Variants in CNST observed in about 807,000 individuals in gnomAD.
CNST encodes the protein consortin.
A neutral mutation model predicts 72.4 loss-of-function variants in CNST; 39 were observed. The observed-to-expected ratio is 0.54, with a 90% CI of 0.42 to 0.70. CNST has a LOEUF of 0.70. Among genes scored for constraint, CNST ranks in the 30% least tolerant of loss-of-function variants. CNST has a pLI of 0.00. For missense variants in CNST, 871 were observed against 868.5 expected, an observed-to-expected ratio of 1.00 and a Z score of -0.04; for synonymous variants, 332 against 320.1, an observed-to-expected ratio of 1.04 and a Z score of -0.40.
intron 4 of CNST, among the ~76,000 whole-genome samples, chr1:246,633,182 G>A (rs1664887176): frequency 6.6e-6 from 1 of 152,158 alleles, no homozygotes; most frequent in Non-Finnish European, 1.5e-5. Flanking sequence ...GGGCGCAGTG[G>A]CTCACACCTG....
intron 8 of CNST, among the ~76,000 whole-genome samples, chr1:246,646,896 A>G (rs1160637402): frequency 1.3e-5 from 2 of 152,244 alleles, no homozygotes; most frequent in Non-Finnish European, 2.9e-5. Flanking sequence ...GTTGATTTTA[A>G]TGAGGACTAA....
In CNST at chr1:246,642,685, G is replaced by GT. The variant is rs922988395; in HGVS notation, c.937+655dup. 9.4e-5 allele frequency among the ~76,000 whole-genome samples: 14 copies of GT among 148,522 alleles called. No homozygotes were observed. In the South Asian group the frequency reaches 1.5e-3, roughly 16 times the overall value. The stretch of plus-strand genomic sequence containing the variant: ...TAAAAATAAATAAATATGTTTTAGG[G>GT]TTTTTTTCCCTTGATACCTAATTTT... On this transcript the variant is annotated intron_variant, in intron 8 of 10. Coordinates refer to ENST00000366513, the MANE Select transcript of CNST (RefSeq NM_152609.3).
chr1:246,613,849 A>G (rs928400058), intron 2 of CNST, among the ~76,000 whole-genome samples: 50 of 148,792 alleles, frequency 3.4e-4, no homozygotes, highest in African/African-American at 1.2e-3. Context: ...GCACACCACC[A>G]TGCCCAGCTA....
At chr1:246,635,937 G>A (rs1572214762) in intron 6 of CNST, among the ~76,000 whole-genome samples, 1 of 152,134 alleles carries the variant, frequency 6.6e-6, no homozygotes, top group African/African-American at 2.4e-5. Context: ...GAAGTAAAAC[G>A]AATCCAGGTT....
rs567896332 is a variant in CNST at position 246,604,673 on chromosome 1, AT to A, written c.379+12734del. 5.6e-3 allele frequency among the ~76,000 whole-genome samples: 854 copies of A among 151,352 alleles called. 4 individuals carry two copies. The highest frequency in any genetic ancestry group is 0.02 in the African/African-American group (824 of 40,838). On this transcript the variant is annotated intron_variant, in intron 2 of 10. Transcript: ENST00000366513. ...ATATATATATATAATACTTATATTT[AT>A]TGTTATTATTTTGAGTTGCACTCTT...
intron 2 of CNST, among the ~76,000 whole-genome samples, chr1:246,610,732 G>GC (rs1663260748): frequency 1.3e-5 from 2 of 152,022 alleles, no homozygotes; most frequent in Non-Finnish European, 2.9e-5. Flanking sequence ...TTCTGCCCCA[G>GC]CCTTCACTTC....
chr1:246,589,557 T>C (rs1370334494), intron 1 of CNST, among the ~76,000 whole-genome samples: 1 of 152,114 alleles, frequency 6.6e-6, no homozygotes, highest in Admixed American at 6.5e-5. Context: ...CTATTGTGAA[T>C]AGTGCCACAA....
At chr1:246,634,974 T>TAGGTGTCTTCCG (rs1558576308) in intron 6 of CNST, among the ~76,000 whole-genome samples, 1 of 151,308 alleles carries the variant, frequency 6.6e-6, no homozygotes, top group African/African-American at 2.4e-5. Context: ...CCGGCCGGGG[T>TAGGTGTCTTCCG]GCGTGTCTTC....
rs1667396237 is a variant in CNST at position 246,666,512 on chromosome 1, T to C, written c.*607T>C. ...ATACCCAACATCACAAAGATGATCT[T>C]TCTTCTTTTAACTTGATGATGATGT... is the stretch of plus-strand genomic sequence containing the variant. On this transcript the variant is annotated 3_prime_UTR_variant, in exon 11 of 11. Transcript: ENST00000366513. The C allele has an allele frequency of 6.5e-6, 1 of 152,680 alleles. No homozygotes were observed. Among genetic ancestry groups the C allele is most frequent in the Non-Finnish European group, 1.5e-5 (1 of 68,064 alleles). The allele number at this position is 152,680 out of a possible 1,614,324, so 9.5% of individuals were successfully genotyped here.
At chr1:246,600,023 G>T (rs1412908893) in intron 2 of CNST, among the ~76,000 whole-genome samples, 1 of 152,198 alleles carries the variant, frequency 6.6e-6, no homozygotes, top group African/African-American at 2.4e-5. Flanking sequence ...CTGTCCTGGA[G>T]AGTTAGAGAA....
chr1:246,575,182 C>CG (rs1163378325), intron 1 of CNST, among the ~76,000 whole-genome samples: 1 of 151,958 alleles, frequency 6.6e-6, no homozygotes, highest in Non-Finnish European at 1.5e-5. Flanking sequence ...TCAGTAGAGA[C>CG]GGGGTTTCAT....
At chr1:246,579,094 A>G (rs145963409) in intron 1 of CNST, among the ~76,000 whole-genome samples, 8 of 152,354 alleles carry the variant, frequency 5.3e-5, no homozygotes, top group East Asian at 1.9e-4. Context: ...AAACATTTCT[A>G]TAAAGTGATT....
chr1:246,570,685 AAAT>A (rs1407948071), intron 1 of CNST, among the ~76,000 whole-genome samples: 12 of 130,936 alleles, frequency 9.2e-5, no homozygotes, highest in South Asian at 2.3e-4. Flanking sequence ...TTCTATAAGA[AAAT>A]AATAATGTTT....
rs980247798 is a variant in CNST at position 246,612,403 on chromosome 1, A to T, written c.380-9026A>T. On this transcript the variant is annotated intron_variant, in intron 2 of 10. Transcript: ENST00000366513. ...CTTTTAGTAGAGACGGAGTTTCGCC[A>T]TGTTGGGCAGGCTGGTCTCGAACTC... is the stretch of plus-strand genomic sequence containing the variant. 5.3e-5 allele frequency among the ~76,000 whole-genome samples: 8 copies of T among 152,174 alleles called. No individual in the cohort carries two copies. The East Asian group carries it at 1.5e-3, about 29-fold the overall frequency.
At chr1:246,581,357 G>A (rs1418299543) in intron 1 of CNST, among the ~76,000 whole-genome samples, 3 of 151,996 alleles carry the variant, frequency 2.0e-5, no homozygotes, top group Non-Finnish European at 4.4e-5. Context: ...CCTGTCTCCC[G>A]GGTTCAAGCA....
chr1:246,599,215 T>C (rs1172333023), intron 2 of CNST, among the ~76,000 whole-genome samples: 2 of 151,142 alleles, frequency 1.3e-5, no homozygotes, highest in East Asian at 3.9e-4. Flanking sequence ...AGTGTGTTAG[T>C]TTTCTATTGC....
At chr1:246,636,393 G>T (rs1004564127) in intron 6 of CNST, among the ~76,000 whole-genome samples, 4 of 152,030 alleles carry the variant, frequency 2.6e-5, no homozygotes, top group African/African-American at 4.8e-5. Context: ...AAGGGGGAAG[G>T]TCTATCCCAT....
chr1:246,637,943 A>C (rs530715292), intron 6 of CNST, among the ~76,000 whole-genome samples: 1 of 152,294 alleles, frequency 6.6e-6, no homozygotes, highest in Admixed American at 6.5e-5. Flanking sequence ...CTACCTGCCA[A>C]TCTTGCCCAG....
At chr1:246,657,561 C>G (rs1369563481) in intron 9 of CNST, among the ~76,000 whole-genome samples, 2 of 152,228 alleles carry the variant, frequency 1.3e-5, no homozygotes, top group East Asian at 1.9e-4. Context: ...TGTAATTTCT[C>G]ATACTCTGCT....
Sources: allele counts gnomAD v4.1 joint callset (sites outside exome capture counted in the v4.1 genomes callset), GRCh38; gene constraint gnomAD v4.1.1; transcripts MANE v1.5; gene names NCBI Gene and HGNC (gene_info 2026-07-23, HGNC 2026-07-21).